Variants in MYO1B observed in about 807,000 individuals in gnomAD.
The protein encoded by MYO1B is unconventional myosin-Ib.
Under a neutral mutation model 159.7 loss-of-function variants are expected in MYO1B, and 72 were observed. The ratio of observed to expected loss-of-function variants is 0.45; its 90% CI spans 0.37 to 0.55. The LOEUF (loss-of-function observed/expected upper bound fraction) is 0.55, where lower values mean the gene tolerates loss of function less well. Ranked by LOEUF, MYO1B falls within the 20% of genes least tolerant of loss-of-function variation. The pLI, the probability that MYO1B is intolerant of heterozygous loss-of-function variation, is 0.00. For missense variants in MYO1B, 1,062 were observed against 1,364.8 expected (o/e 0.78, Z 3.50); for synonymous variants, 468 against 473.8 (o/e 0.99, Z 0.16).
intron 8 of MYO1B, among the ~76,000 whole-genome samples, 176 bp downstream of exon 8, chr2:191,360,905 T>C (rs1453408865): frequency 6.6e-6 from 1 of 152,138 alleles, no homozygotes; most frequent in Non-Finnish European, 1.5e-5. Context: ...TGTGCCTGAA[T>C]TGTTTCTATG....
chr2:191,255,622 A>T (rs1054258218), intron 1 of MYO1B, among the ~76,000 whole-genome samples: 1 of 152,240 alleles, frequency 6.6e-6, no homozygotes, highest in Non-Finnish European at 1.5e-5. Flanking sequence ...TTAGTAAATT[A>T]TCATAATAGT....
intron 24 of MYO1B, 41 bp downstream of exon 24, chr2:191,402,759 A>G (rs1425272756): frequency 6.6e-7 from 1 of 1,522,712 alleles, no homozygotes; most frequent in Non-Finnish European, 9.0e-7. Flanking sequence ...GGTGAACTTC[A>G]TAAAGCCTAG....
At chr2:191,388,274 C>G (rs1356328557) in intron 17 of MYO1B, 4 of 145,702 alleles carry the variant, frequency 2.7e-5, no homozygotes, top group Admixed American at 2.7e-4. Flanking sequence ...AAGACTCCAT[C>G]TCAAAAAAAA....
At chr2:191,346,424 T>G (rs1692570835) in intron 6 of MYO1B, 142 bp downstream of exon 6, 2 of 557,760 alleles carry the variant, frequency 3.6e-6, no homozygotes, top group Non-Finnish European at 2.9e-6. Flanking sequence ...CAAAGTTCTA[T>G]AAGGACTCTT....
At chr2:191,416,325 C>G in intron 30 of MYO1B, 83 bp downstream of exon 30, 1 of 1,495,066 alleles carries the variant, frequency 6.7e-7, no homozygotes, top group Non-Finnish European at 9.3e-7. Flanking sequence ...TTCATTAATA[C>G]AACTACTTAT....
At chr2:191,421,980 G>A (rs1386425512) in intron 30 of MYO1B, among the ~76,000 whole-genome samples, 2 of 152,164 alleles carry the variant, frequency 1.3e-5, no homozygotes, top group Non-Finnish European at 2.9e-5. Context: ...TAAAAGATCA[G>A]AAGCACTATC....
chr2:191,314,528 T>G (rs190978666), intron 3 of MYO1B, among the ~76,000 whole-genome samples: 1 of 152,368 alleles, frequency 6.6e-6, no homozygotes, highest in Admixed American at 6.5e-5. Flanking sequence ...TCTTCTATAT[T>G]CATTCACATA....
chr2:191,360,596 C>A, intron 7 of MYO1B, 35 bp from the exon 8 acceptor site: 3 of 1,353,588 alleles, frequency 2.2e-6, no homozygotes, highest in Admixed American at 2.0e-5. Context: ...GGAAGTGAAA[C>A]AAATGCCATA....
At chr2:191,407,871 T>TC (rs1223516723) in intron 24 of MYO1B, 3 of 303,706 alleles carry the variant, frequency 9.9e-6, no homozygotes, top group Non-Finnish European at 1.8e-5. Context: ...ATCAGATTCT[T>TC]CAAAAACTAC....
chr2:191,400,466 C>G lies in MYO1B; in HGVS notation c.2380C>G (p.Gln794Glu). The G allele has an allele frequency of 1.2e-6, 2 of 1,614,136 alleles. No homozygotes were observed. Among genetic ancestry groups the G allele is most frequent in the Non-Finnish European group, 1.7e-6 (2 of 1,180,014 alleles). The change falls in exon 22 of 31, where the codon CAG becomes GAG. Residue 794 changes from glutamine (Q) to glutamate (E), a missense_variant and splice_region_variant. Gln to Glu is a conservative substitution (Grantham distance 29). Coordinates refer to ENST00000392318, the MANE Select transcript of MYO1B (RefSeq NM_001130158.3). The part of the protein sequence containing the change: ...TTIAAYWHGT[Q>E]ARRELRRLKE... ...CATTGCTGCATATTGGCATGGGACC[C>G]AGGTAGGCCCGAGACCCCAAGGAAG... is the stretch of plus-strand genomic sequence containing the variant.
intron 24 of MYO1B, among the ~76,000 whole-genome samples, chr2:191,406,228 T>C (rs1298983871): frequency 6.6e-6 from 1 of 152,266 alleles, no homozygotes; most frequent in Non-Finnish European, 1.5e-5. Flanking sequence ...GCTTAGAGGA[T>C]ATTGTGGCTG....
intron 20 of MYO1B, among the ~76,000 whole-genome samples, chr2:191,394,690 G>C (rs977460958): frequency 2.0e-5 from 3 of 152,134 alleles, no homozygotes; most frequent in Non-Finnish European, 4.4e-5. Flanking sequence ...GAGAAACTTC[G>C]GGGAGGGGCC....
chr2:191,419,945 A>C (rs1256234979), intron 30 of MYO1B, among the ~76,000 whole-genome samples: 2 of 152,214 alleles, frequency 1.3e-5, no homozygotes, highest in Admixed American at 1.3e-4. Flanking sequence ...TCACGCCTGT[A>C]ATCTTGGCAC....
chr2:191,416,494 T>C (rs1208526052), intron 30 of MYO1B: 4 of 454,832 alleles, frequency 8.8e-6, no homozygotes, highest in Admixed American at 3.7e-5. Flanking sequence ...GGCTAACAAG[T>C]GTTTATGGAG....
intron 24 of MYO1B, among the ~76,000 whole-genome samples, chr2:191,406,953 A>T (rs931324476): frequency 3.9e-5 from 6 of 152,210 alleles, no homozygotes; most frequent in Non-Finnish European, 5.9e-5. Flanking sequence ...CAGAGGGACC[A>T]GGTTGGTCGT....
chr2:191,364,089 A>G, intron 10 of MYO1B, 69 bp from the exon 11 acceptor site: 1 of 1,355,110 alleles, frequency 7.4e-7, no homozygotes, highest in Admixed American at 1.7e-5. Flanking sequence ...GAACATCCTA[A>G]GCCTTCAAAA....
chr2:191,264,403 A>G (rs1403318070), intron 1 of MYO1B, among the ~76,000 whole-genome samples: 1 of 152,144 alleles, frequency 6.6e-6, no homozygotes, highest in Admixed American at 6.5e-5. Flanking sequence ...GTATGAAGGC[A>G]TTACCAAAGC....
At chr2:191,376,594 G>T (rs1694728125) in intron 13 of MYO1B, among the ~76,000 whole-genome samples, 1 of 152,166 alleles carries the variant, frequency 6.6e-6, no homozygotes, top group African/African-American at 2.4e-5. Flanking sequence ...ATGTAAAAAT[G>T]TAGAAACCCC....
At position 191,402,665 on chromosome 2, in the gene MYO1B, G is replaced by A. The variant is rs200646526; in HGVS notation, c.2503G>A (p.Ala835Thr). The change falls in exon 24 of 31, where the codon GCT (alanine) becomes ACT (threonine). Residue 835 changes from alanine (A) to threonine (T), a missense_variant. By Grantham distance (58) the Ala-to-Thr change is moderately conservative (BLOSUM62 0). This residue lies in a region of MYO1B where 609 missense variants were observed against 744.4 expected (regional missense o/e 0.82). Transcript: ENST00000392318. The part of the protein sequence containing the change: ...RRELKRLKEE[A>T]RRKHAVAVIW... ...GGAATTGAAACGCTTGAAGGAGGAG[G>A]CTAGGCGTAAGCATGCAGTTGCTGT... The A allele has an allele frequency of 7.3e-5, 118 of 1,613,604 alleles. No homozygotes were observed. Among genetic ancestry groups the A allele is most frequent in the Non-Finnish European group, 5.3e-5 (62 of 1,179,780 alleles).
Sources: gnomAD v4.1 joint callset for allele counts (sites outside exome capture counted in the v4.1 genomes callset) on GRCh38, gnomAD v4.1.1 for gene constraint, gnomAD v4.1.1 regional missense constraint, MANE v1.5 for transcripts, NCBI Gene and HGNC (gene_info 2026-07-23, HGNC 2026-07-21) for gene names.